The following MTMR12 variants were observed in gnomAD, a reference collection of about 807,000 sequenced individuals.
MTMR12 encodes myotubularin-related protein 12.
Under a neutral mutation model 96.7 loss-of-function variants are expected in MTMR12, and 33 were observed. The ratio of observed to expected loss-of-function variants is 0.34; its 90% CI spans 0.26 to 0.46. MTMR12 has a LOEUF of 0.46. MTMR12 is among the 20% of genes least tolerant of loss of function. The pLI is 1.00. For missense variants in MTMR12, 721 were observed against 896.1 expected (o/e 0.80, Z 2.49); for synonymous variants, 298 against 327.2 (o/e 0.91, Z 0.96).
chr5:32,301,770 A>G (rs1751153701), intron 1 of MTMR12, among the ~76,000 whole-genome samples: 1 of 152,168 alleles, frequency 6.6e-6, no homozygotes, highest in South Asian at 2.1e-4. Flanking sequence ...ACACCCCTGT[A>G]ACCCTAGCTA....
intron 2 of MTMR12, among the ~76,000 whole-genome samples, chr5:32,274,407 C>T (rs1431835200): frequency 6.6e-6 from 1 of 152,086 alleles, no homozygotes; most frequent in Non-Finnish European, 1.5e-5. Context: ...CAAATAGGTA[C>T]TAATGATCTG....
At chr5:32,268,656 G>T in intron 6 of MTMR12, 45 bp downstream of exon 6, 1 of 1,536,916 alleles carries the variant, frequency 6.5e-7, no homozygotes, top group South Asian at 1.1e-5. Flanking sequence ...GTGGGAATTG[G>T]AAGGCTTCTG....
In MTMR12 at chr5:32,281,672, C is replaced by A. The variant is rs149522540; in HGVS notation, c.82-4930G>T. Among the ~76,000 whole-genome samples, 618 of 152,176 alleles carry A rather than the reference C, an allele frequency of 4.1e-3. 4 individuals are homozygous for A. The highest frequency in any genetic ancestry group is 0.013 in the African/African-American group (546 of 41,538). On this transcript the variant is annotated intron_variant, in intron 1 of 15. Coordinates refer to ENST00000382142, the MANE Select transcript of MTMR12 (RefSeq NM_001040446.3). ...ATCCCAGCACTCTGGGAGGCTGGGGCGGGTGGATCACAAAGTCAGGAGTTC... is the reference window on the plus strand; with the variant it reads ...ATCCCAGCACTCTGGGAGGCTGGGGAGGGTGGATCACAAAGTCAGGAGTTC...
At chr5:32,291,075 G>A (rs1261162551) in intron 1 of MTMR12, among the ~76,000 whole-genome samples, 1 of 152,170 alleles carries the variant, frequency 6.6e-6, no homozygotes, top group Admixed American at 6.5e-5. Context: ...TGAGGAAGTG[G>A]CTCAAATGCC....
chr5:32,276,431 G>C (rs552161271), intron 2 of MTMR12, among the ~76,000 whole-genome samples: 44 of 152,346 alleles, frequency 2.9e-4, no homozygotes, highest in African/African-American at 1.0e-3. Flanking sequence ...TGAAAGCAGT[G>C]AGAACATTCC....
chr5:32,229,957 G>T lies in MTMR12; in HGVS notation c.2065C>A (p.Gln689Lys), dbSNP rs781625024. Residue 689 changes from glutamine (Q) to lysine (K), a missense_variant, in exon 16 of 16, where the codon CAG (glutamine) becomes AAG (lysine). Coordinates refer to ENST00000382142, the MANE Select transcript of MTMR12 (RefSeq NM_001040446.3). ...DERHHSQQAP[Q>K]AEAPCLLRNS... ...CTCAGCAGGCAGGGGGCCTCAGCCT[G>T]GGGGGCCTGCTGGCTGTGGTGTCTC... The T allele has an allele frequency of 6.2e-7, 1 of 1,611,858 alleles. No individual in the cohort carries two copies. Among genetic ancestry groups the T allele is most frequent in the Admixed American group, 1.7e-5 (1 of 59,778 alleles).
chr5:32,262,599 C>A (rs1283004004), intron 7 of MTMR12, among the ~76,000 whole-genome samples: 4 of 152,030 alleles, frequency 2.6e-5, no homozygotes, highest in East Asian at 1.9e-4. Flanking sequence ...CGGAGCAAGA[C>A]CCTGTCTCAA....
intron 6 of MTMR12, among the ~76,000 whole-genome samples, chr5:32,265,392 C>G (rs934343488): frequency 2.6e-5 from 4 of 152,160 alleles, no homozygotes; most frequent in African/African-American, 9.7e-5. Context: ...TTTTGGCATG[C>G]TAATCCACAT....
intron 1 of MTMR12, among the ~76,000 whole-genome samples, chr5:32,307,150 G>T (rs1380726911): frequency 6.6e-6 from 1 of 152,146 alleles, no homozygotes; most frequent in Non-Finnish European, 1.5e-5. Context: ...GAAGTGTACA[G>T]AATACACTCC....
At chr5:32,285,060 T>G (rs1231394853) in intron 1 of MTMR12, among the ~76,000 whole-genome samples, 1 of 152,080 alleles carries the variant, frequency 6.6e-6, no homozygotes, top group Non-Finnish European at 1.5e-5. Context: ...TTAAATTCAA[T>G]TAGAACAGAA....
chr5:32,291,418 G>A (rs1750733753), intron 1 of MTMR12, among the ~76,000 whole-genome samples: 1 of 152,220 alleles, frequency 6.6e-6, no homozygotes, highest in Non-Finnish European at 1.5e-5. Flanking sequence ...TTGGCTGGAT[G>A]TTCAGGGACT....
At position 32,276,625 on chromosome 5, in the gene MTMR12, G is replaced by A. The variant is rs188904463; in HGVS notation, c.142+57C>T. On this transcript the variant is annotated intron_variant, in intron 2 of 15. Transcript: ENST00000382142. Reference sequence around the variant, plus strand: ...TAAATATAGCAAGGCTAGGGATGATGTAATTTATCATTGGCTTTGCCTTGC... The same window carrying A: ...TAAATATAGCAAGGCTAGGGATGATATAATTTATCATTGGCTTTGCCTTGC... 2.8e-6 allele frequency: 4 copies of A among 1,424,010 alleles called. No homozygotes were observed. The East Asian group carries it at 6.8e-5, about 24-fold the overall frequency. 88.2% of individuals were successfully genotyped at this position (1,424,010 alleles called of 1,614,324 possible).
At position 32,234,956 on chromosome 5, in the gene MTMR12, T is replaced by A; in HGVS notation, c.1512+6A>T. On this transcript the variant is annotated splice_donor_region_variant and intron_variant, in intron 14 of 15. Coordinates refer to ENST00000382142, the MANE Select transcript of MTMR12 (RefSeq NM_001040446.3). The stretch of plus-strand genomic sequence containing the variant: ...TAATACACAGGTTCCTAAGAGGGAC[T>A]CTTACCATGTTAGTATCTTTTTGAT... 3 of 1,609,476 alleles carry A rather than the reference T, an allele frequency of 1.9e-6. No individual in the cohort carries two copies. Among genetic ancestry groups the A allele is most frequent in the Non-Finnish European group, 2.5e-6 (3 of 1,176,512 alleles).
intron 2 of MTMR12, 98 bp downstream of exon 2, chr5:32,276,584 T>C (rs1750058682): frequency 1.9e-6 from 2 of 1,032,122 alleles, no homozygotes; most frequent in Non-Finnish European, 2.9e-6. Flanking sequence ...TGTGAGAAGA[T>C]GAAAACAAAG....
chr5:32,241,503 T>C (rs1011503329), intron 12 of MTMR12, among the ~76,000 whole-genome samples: 1 of 152,236 alleles, frequency 6.6e-6, no homozygotes. Flanking sequence ...AAACAGCAGG[T>C]AATATTTTAG....
chr5:32,236,627 A>G (rs1748242109), intron 13 of MTMR12, among the ~76,000 whole-genome samples: 1 of 152,068 alleles, frequency 6.6e-6, no homozygotes, highest in Non-Finnish European at 1.5e-5. Context: ...GAATCACCTG[A>G]GGTCAAGAGT....
In MTMR12 at chr5:32,300,059, A is replaced by G. The variant is rs1254869582; in HGVS notation, c.81+12699T>C. Among the ~76,000 whole-genome samples the G allele has an allele frequency of 2.0e-5, 3 of 152,340 alleles. No homozygotes were observed. The East Asian group carries it at 5.8e-4, about 29-fold the overall frequency. On this transcript the variant is annotated intron_variant, in intron 1 of 15. Coordinates refer to ENST00000382142, the MANE Select transcript of MTMR12 (RefSeq NM_001040446.3). ...GTAGGCAGCTCCGACCTCTGTGCAG[A>G]GAACTCTGGTGACCAGCCATCTCCC...
intron 1 of MTMR12, among the ~76,000 whole-genome samples, chr5:32,285,431 G>T (rs1460710358): frequency 6.6e-6 from 1 of 150,828 alleles, no homozygotes; most frequent in Non-Finnish European, 1.5e-5. Context: ...CTCCCAAAGT[G>T]CTGGGATTAT....
chr5:32,242,557 C>G (rs1195166129), intron 11 of MTMR12, among the ~76,000 whole-genome samples: 1 of 151,946 alleles, frequency 6.6e-6, no homozygotes, highest in Non-Finnish European at 1.5e-5. Context: ...TCCTTTTTGT[C>G]TCTCTCTACA....
Sources: allele counts gnomAD v4.1 joint callset (sites outside exome capture counted in the v4.1 genomes callset), GRCh38; gene constraint gnomAD v4.1.1; transcripts MANE v1.5; gene names NCBI Gene and HGNC (gene_info 2026-07-23, HGNC 2026-07-21).